Variants in COL21A1 observed in about 807,000 individuals in gnomAD.
COL21A1 encodes the protein collagen alpha-1(XXI) chain.
In COL21A1, 149 loss-of-function variants were observed where a neutral mutation model predicts 137.9. That is an observed-to-expected ratio of 1.08 (90% CI 0.95 to 1.24). COL21A1 has a LOEUF of 1.24. Ranked by LOEUF, COL21A1 falls within the 50% of genes most tolerant of loss-of-function variation. COL21A1 has a pLI of 0.00. For missense variants in COL21A1, 1,167 were observed against 1,158.4 expected, an observed-to-expected ratio of 1.01 and a Z score of -0.11; for synonymous variants, 456 against 391.5, an observed-to-expected ratio of 1.16 and a Z score of -1.95.
At chr6:56,135,530 A>G (rs1304810788) in intron 12 of COL21A1, among the ~76,000 whole-genome samples, 1 of 152,200 alleles carries the variant, frequency 6.6e-6, no homozygotes, top group Non-Finnish European at 1.5e-5. Flanking sequence ...TGGGAACTCA[A>G]TAAGCAATTT....
intron 1 of COL21A1, among the ~76,000 whole-genome samples, chr6:56,351,869 T>C (rs565281479): frequency 3.9e-5 from 6 of 152,300 alleles, no homozygotes; most frequent in African/African-American, 1.2e-4. Flanking sequence ...TACAACATGA[T>C]ATGTTAAATG....
intron 17 of COL21A1, among the ~76,000 whole-genome samples, chr6:56,086,207 C>G (rs1200858033): frequency 3.3e-5 from 5 of 152,008 alleles, no homozygotes; most frequent in Non-Finnish European, 7.4e-5. Context: ...CTCTGCCTGT[C>G]ATGATTAAAT....
chr6:56,285,282 G>A (rs72879909), intron 1 of COL21A1, among the ~76,000 whole-genome samples: 2,061 of 152,236 alleles, frequency 0.014, 22 homozygotes, highest in South Asian at 0.022. Flanking sequence ...ACCATCACTA[G>A]GCTTTTCAAG....
chr6:56,306,376 C>T (rs1229358627), intron 1 of COL21A1, among the ~76,000 whole-genome samples: 2 of 151,750 alleles, frequency 1.3e-5, no homozygotes, highest in Non-Finnish European at 2.9e-5. Flanking sequence ...ACCGATCAGA[C>T]ATAGATTTGG....
At chr6:56,373,016 A>T (rs530471461) in intron 1 of COL21A1, among the ~76,000 whole-genome samples, 1 of 143,410 alleles carries the variant, frequency 7.0e-6, no homozygotes, top group South Asian at 2.1e-4. Context: ...AAGCAAAATA[A>T]AAAAAAAAAA....
intron 1 of COL21A1, among the ~76,000 whole-genome samples, chr6:56,219,543 C>T (rs931952617): frequency 2.0e-5 from 3 of 152,038 alleles, no homozygotes; most frequent in Admixed American, 1.3e-4. Context: ...TTTCTTCAAG[C>T]GTCTCGACTT....
intron 1 of COL21A1, among the ~76,000 whole-genome samples, chr6:56,390,333 C>T (rs2094026845): frequency 6.6e-6 from 1 of 151,976 alleles, no homozygotes; most frequent in African/African-American, 2.4e-5. Context: ...AAACATATAA[C>T]AGAGACACAC....
intron 1 of COL21A1, among the ~76,000 whole-genome samples, chr6:56,347,079 A>G (rs1010427159): frequency 6.6e-6 from 1 of 152,174 alleles, no homozygotes; most frequent in African/African-American, 2.4e-5. Context: ...AGGAACACTC[A>G]GCTGCCTTTG....
chr6:56,255,285 AT>A (rs1031101640), intron 1 of COL21A1, among the ~76,000 whole-genome samples: 1 of 151,816 alleles, frequency 6.6e-6, no homozygotes, highest in Non-Finnish European at 1.5e-5. Flanking sequence ...AATTCTGGGT[AT>A]AAAATCTTTT....
At chr6:56,327,308 A>G (rs1345520307) in intron 1 of COL21A1, among the ~76,000 whole-genome samples, 2 of 151,958 alleles carry the variant, frequency 1.3e-5, no homozygotes, top group African/African-American at 4.8e-5. Flanking sequence ...AAAATACTTC[A>G]TGAAATAAAG....
intron 1 of COL21A1, among the ~76,000 whole-genome samples, chr6:56,366,518 A>G (rs531185418): frequency 6.6e-6 from 1 of 152,354 alleles, no homozygotes; most frequent in South Asian, 2.1e-4. Flanking sequence ...ACAACTAAGT[A>G]GTGCCAAAAA....
chr6:56,205,754 G>A (rs9475625), intron 1 of COL21A1, among the ~76,000 whole-genome samples: 2,021 of 152,228 alleles, frequency 0.013, 43 homozygotes, highest in African/African-American at 0.045. Flanking sequence ...GGTTACCCAC[G>A]AATGGAAGCC....
At chr6:56,289,366 C>T (rs1268292719) in intron 1 of COL21A1, among the ~76,000 whole-genome samples, 1 of 152,188 alleles carries the variant, frequency 6.6e-6, no homozygotes, top group Non-Finnish European at 1.5e-5. Context: ...TGAGAGAATC[C>T]TTGCAGCTTG....
intron 17 of COL21A1, among the ~76,000 whole-genome samples, chr6:56,089,129 C>A (rs1275841860): frequency 1.3e-5 from 2 of 152,132 alleles, no homozygotes; most frequent in African/African-American, 4.8e-5. Flanking sequence ...ATTGGAAAGA[C>A]AAACTGCTCC....
intron 1 of COL21A1, among the ~76,000 whole-genome samples, chr6:56,195,042 C>G (rs1008697472): frequency 6.6e-6 from 1 of 152,206 alleles, no homozygotes; most frequent in Non-Finnish European, 1.5e-5. Flanking sequence ...CCTCAGCTAG[C>G]ATGCTCAGTC....
chr6:56,166,894 C>A lies in COL21A1; in HGVS notation c.1278+12G>T. ...AGCAACATCTGGGAAAAAAACAATCCCTCCTACTTACAAATCCAGGAATCT... is the reference window on the plus strand; with the variant it reads ...AGCAACATCTGGGAAAAAAACAATCACTCCTACTTACAAATCCAGGAATCT... On this transcript the variant is annotated intron_variant, in intron 7 of 29. Transcript: ENST00000244728. 6.2e-7 allele frequency: 1 copy of A among 1,605,884 alleles called. No homozygotes were observed. Among genetic ancestry groups the A allele is most frequent in the Non-Finnish European group, 8.5e-7 (1 of 1,174,630 alleles).
At chr6:56,109,127 A>C (rs191763439) in intron 16 of COL21A1, among the ~76,000 whole-genome samples, 420 of 151,876 alleles carry the variant, frequency 2.8e-3, no homozygotes, top group Non-Finnish European at 4.4e-3. Context: ...ACAAAAAACG[A>C]ATGTAAATGA....
intron 1 of COL21A1, among the ~76,000 whole-genome samples, chr6:56,379,974 C>CT (rs1339720588): frequency 1.3e-5 from 2 of 152,056 alleles, no homozygotes; most frequent in African/African-American, 4.8e-5. Flanking sequence ...TACTGATATA[C>CT]TTTGAGTGTT....
At chr6:56,331,850 C>A (rs138065105) in intron 1 of COL21A1, 1 of 146,060 alleles carries the variant, frequency 6.8e-6, no homozygotes, top group Non-Finnish European at 1.5e-5. Flanking sequence ...TACATAAAAT[C>A]GAAAGCAAAA....
Sources: gnomAD v4.1 joint callset for allele counts (sites outside exome capture counted in the v4.1 genomes callset) on GRCh38, gnomAD v4.1.1 for gene constraint, MANE v1.5 for transcripts, NCBI Gene and HGNC (gene_info 2026-07-23, HGNC 2026-07-21) for gene names.